The following KDM4C variants were observed in gnomAD, a reference collection of about 807,000 sequenced individuals.
KDM4C encodes lysine-specific demethylase 4C.
Under a neutral mutation model 129.3 loss-of-function variants are expected in KDM4C, and 81 were observed. That is an observed-to-expected ratio of 0.63 (90% CI 0.52 to 0.75). The LOEUF (loss-of-function observed/expected upper bound fraction) is 0.75, where lower values mean the gene tolerates loss of function less well. Ranked by LOEUF, KDM4C falls within the 30% of genes least tolerant of loss-of-function variation. The pLI, the probability that KDM4C is intolerant of heterozygous loss-of-function variation, is 0.00. For missense variants in KDM4C, 1,457 were observed against 1,304.0 expected (o/e 1.12, Z -1.81); for synonymous variants, 573 against 456.1 (o/e 1.26, Z -3.26).
At chr9:7,018,062 A>G (rs1824002386) in intron 15 of KDM4C, among the ~76,000 whole-genome samples, 1 of 152,240 alleles carries the variant, frequency 6.6e-6, no homozygotes, top group African/African-American at 2.4e-5. Flanking sequence ...GGTATGCATT[A>G]CTTAATGACA....
At chr9:7,013,274 T>G (rs563361710) in intron 13 of KDM4C, among the ~76,000 whole-genome samples, 3 of 152,328 alleles carry the variant, frequency 2.0e-5, no homozygotes, top group Admixed American at 6.5e-5. Flanking sequence ...GTGATAATTT[T>G]GTTTGATACA....
intron 1 of KDM4C, among the ~76,000 whole-genome samples, chr9:6,742,795 C>G (rs1377830604): frequency 6.6e-5 from 10 of 151,830 alleles, no homozygotes; most frequent in Admixed American, 6.6e-4. Context: ...CCTTGAGGCT[C>G]CCTCTCCTTC....
intron 4 of KDM4C, among the ~76,000 whole-genome samples, chr9:6,820,242 G>C (rs1190990053): frequency 6.6e-6 from 1 of 152,178 alleles, no homozygotes; most frequent in Non-Finnish European, 1.5e-5. Flanking sequence ...GACGACATCT[G>C]AACTTGGCTT....
At chr9:6,882,817 C>T (rs930397235) in intron 6 of KDM4C, among the ~76,000 whole-genome samples, 1 of 150,592 alleles carries the variant, frequency 6.6e-6, no homozygotes, top group African/African-American at 2.4e-5. Context: ...CGCGTGTGCA[C>T]GTGCACGCAC....
intron 8 of KDM4C, among the ~76,000 whole-genome samples, chr9:6,951,890 T>C (rs1450128703): frequency 6.6e-6 from 1 of 152,224 alleles, no homozygotes. Flanking sequence ...AAATATATGA[T>C]TATGATAATT....
At chr9:7,088,976 C>T (rs1835472715) in intron 17 of KDM4C, among the ~76,000 whole-genome samples, 1 of 151,750 alleles carries the variant, frequency 6.6e-6, no homozygotes, top group Admixed American at 6.6e-5. Context: ...ATTTGCCTGA[C>T]TTAAATGAAA....
At chr9:6,867,943 A>G (rs1294693094) in intron 5 of KDM4C, among the ~76,000 whole-genome samples, 1 of 152,224 alleles carries the variant, frequency 6.6e-6, no homozygotes, top group Non-Finnish European at 1.5e-5. Context: ...TTATGTATCA[A>G]CCAGAAAGAA....
intron 8 of KDM4C, among the ~76,000 whole-genome samples, chr9:6,897,357 C>T (rs10975879): frequency 0.46 from 70,030 of 151,884 alleles, 16,488 homozygotes; most frequent in Middle Eastern, 0.62. Context: ...TTACCATTCT[C>T]CTCTCATTTC....
intron 17 of KDM4C, among the ~76,000 whole-genome samples, chr9:7,059,559 G>A (rs1001728977): frequency 1.2e-4 from 19 of 152,232 alleles, no homozygotes; most frequent in African/African-American, 4.1e-4. Flanking sequence ...TTGAAGTTTT[G>A]GTGAAGTATC....
chr9:6,770,233 C>A (rs867254947), intron 1 of KDM4C, among the ~76,000 whole-genome samples: 1 of 150,608 alleles, frequency 6.6e-6, no homozygotes, highest in Non-Finnish European at 1.5e-5. Context: ...AAAAAAGAAC[C>A]CCGTGTGTTG....
chr9:6,954,792 C>G (rs563668064), intron 8 of KDM4C, among the ~76,000 whole-genome samples: 3 of 152,206 alleles, frequency 2.0e-5, no homozygotes, highest in African/African-American at 7.2e-5. Flanking sequence ...GGGCAGACTT[C>G]ATGTACCCAC....
chr9:6,822,683 T>C (rs762905717), intron 4 of KDM4C, among the ~76,000 whole-genome samples: 2 of 152,230 alleles, frequency 1.3e-5, no homozygotes, highest in South Asian at 4.1e-4. Flanking sequence ...ATACTCAGCC[T>C]TCTGTTAGAC....
chr9:6,865,069 C>T (rs993406325), intron 5 of KDM4C, among the ~76,000 whole-genome samples: 26 of 143,520 alleles, frequency 1.8e-4, no homozygotes, highest in Middle Eastern at 4.9e-3. Context: ...AGTGCAGTGA[C>T]GCGATCTCGG....
intron 5 of KDM4C, among the ~76,000 whole-genome samples, chr9:6,867,868 C>T (rs116132679): frequency 0.011 from 1,708 of 152,184 alleles, 25 homozygotes; most frequent in African/African-American, 0.039. Context: ...AGTAGCAGAA[C>T]GCTTGTGGGC....
At chr9:7,016,080 T>C (rs561815190) in intron 15 of KDM4C, 151 bp downstream of exon 15, 4 of 508,834 alleles carry the variant, frequency 7.9e-6, no homozygotes, top group Non-Finnish European at 1.1e-5. Flanking sequence ...CTCAAAAGCA[T>C]CTTACCTGCT....
chr9:6,934,538 T>TC (rs1824381191), intron 8 of KDM4C, among the ~76,000 whole-genome samples: 1 of 84,280 alleles, frequency 1.2e-5, no homozygotes, highest in Non-Finnish European at 3.2e-5. Flanking sequence ...ATCCTCTCTC[T>TC]TTTTTTTTGA....
intron 1 of KDM4C, among the ~76,000 whole-genome samples, chr9:6,785,269 C>T (rs1489199701): frequency 6.6e-6 from 1 of 151,592 alleles, no homozygotes. Context: ...TGGCTTGCAG[C>T]TGCATGACTC....
intron 4 of KDM4C, among the ~76,000 whole-genome samples, chr9:6,818,227 A>G (rs565880500): frequency 2.0e-5 from 3 of 152,194 alleles, no homozygotes; most frequent in Non-Finnish European, 4.4e-5. Flanking sequence ...ATTGCTTTCC[A>G]GAAGGATCAT....
intron 10 of KDM4C, among the ~76,000 whole-genome samples, chr9:6,986,055 C>A (rs1817640255): frequency 6.6e-6 from 1 of 152,154 alleles, no homozygotes; most frequent in Non-Finnish European, 1.5e-5. Context: ...GATGGTTTTG[C>A]CTAAGGGCCC....
Sources: gnomAD v4.1 joint callset for allele counts (sites outside exome capture counted in the v4.1 genomes callset) on GRCh38, gnomAD v4.1.1 for gene constraint, MANE v1.5 for transcripts, NCBI Gene and HGNC (gene_info 2026-07-23, HGNC 2026-07-21) for gene names.